Variants in MRPL22 observed in about 807,000 individuals in gnomAD.
The protein encoded by MRPL22 is large ribosomal subunit protein uL22m.
In MRPL22, 27 loss-of-function variants were observed where a neutral mutation model predicts 32.4. The ratio of observed to expected loss-of-function variants is 0.83; its 90% CI spans 0.61 to 1.15. MRPL22 has a LOEUF of 1.15. Among genes scored for constraint, MRPL22 ranks in the 50% most tolerant of loss-of-function variants. The pLI, the probability that MRPL22 is intolerant of heterozygous loss-of-function variation, is 0.00. For missense variants in MRPL22, 239 were observed against 260.2 expected (o/e 0.92, Z 0.56); for synonymous variants, 86 against 87.3 (o/e 0.99, Z 0.08).
chr5:154,945,277 C>T (rs1439721407), intron 2 of MRPL22, among the ~76,000 whole-genome samples: 1 of 152,072 alleles, frequency 6.6e-6, no homozygotes, highest in African/African-American at 2.4e-5. Flanking sequence ...CTTGTTGATG[C>T]ATTGGATGGG....
intron 2 of MRPL22, among the ~76,000 whole-genome samples, chr5:154,945,724 C>A (rs1185927672): frequency 6.6e-6 from 1 of 152,130 alleles, no homozygotes; most frequent in Non-Finnish European, 1.5e-5. Context: ...TCCTGGAACC[C>A]AATTAAAGAA....
rs765000906 is a variant in MRPL22, at chr5:154,950,943, G to A, written c.195+5G>A. On this transcript the variant is annotated splice_donor_5th_base_variant and intron_variant, in intron 3 of 6. Transcript: ENST00000523037. ...GGAGAACCTCGGAGACCAGCAGTAA[G>A]TTCGTGGGTAGAACTAATCTCTTAA... 154 of 1,555,622 alleles carry A rather than the reference G, an allele frequency of 9.9e-5. No individual in the cohort carries two copies. The highest frequency in any genetic ancestry group is 1.2e-4 in the Non-Finnish European group (140 of 1,128,040).
At position 154,960,779 on chromosome 5, in the gene MRPL22, T is replaced by C. The variant is rs969738666; in HGVS notation, c.409+730T>C. Among the ~76,000 whole-genome samples, 4 of 152,286 alleles carry C rather than the reference T, an allele frequency of 2.6e-5. No homozygotes were observed. In the South Asian group the frequency reaches 8.3e-4, roughly 32 times the overall value. Reference sequence around the variant, plus strand: ...GCTCTCTTGCCTCCTCCCAACACCATGGGAAAGTGGAGCAGTGGTTGGAGT... The same window carrying C: ...GCTCTCTTGCCTCCTCCCAACACCACGGGAAAGTGGAGCAGTGGTTGGAGT... On this transcript the variant is annotated intron_variant, in intron 6 of 6. Transcript: ENST00000523037.
chr5:154,960,008 T>C lies in MRPL22; in HGVS notation c.368T>C (p.Val123Ala), dbSNP rs574071291. Residue 123 changes from valine (V) to alanine (A), a missense_variant, in exon 6 of 7, where the codon GTG (valine) becomes GCG (alanine). Transcript: ENST00000523037. ...CTCTTAGAAGCACAAGATATGGCAG[T>C]GAGAGACCATAACGTGGAATTCAGG... is the stretch of plus-strand genomic sequence containing the variant. ...EVLLEAQDMA[V>A]RDHNVEFRSN... is the part of the protein sequence containing the mutation. 5.0e-6 allele frequency: 8 copies of C among 1,612,558 alleles called. No homozygotes were observed. The African/African-American group carries it at 9.3e-5, about 19-fold the overall frequency.
intron 3 of MRPL22, among the ~76,000 whole-genome samples, chr5:154,951,171 G>GT (rs1439825834): frequency 6.6e-6 from 1 of 152,164 alleles, no homozygotes; most frequent in Non-Finnish European, 1.5e-5. Flanking sequence ...TAAGCTAATA[G>GT]TTTAAGACAT....
At chr5:154,944,733 A>T (rs960384090) in intron 2 of MRPL22, among the ~76,000 whole-genome samples, 1 of 152,188 alleles carries the variant, frequency 6.6e-6, no homozygotes, top group Non-Finnish European at 1.5e-5. Context: ...AATAAGAAGT[A>T]TGTGTGTTTG....
rs1262875557 is a variant in MRPL22, at chr5:154,966,970, A to G, written c.*73A>G. On this transcript the variant is annotated 3_prime_UTR_variant, in exon 7 of 7. Transcript: ENST00000523037. Reference sequence around the variant, plus strand: ...TAAAAATAAACAAAAATTGAAGGCAAATGCTTTTTATGATTTCTCATTGAA... The same window carrying G: ...TAAAAATAAACAAAAATTGAAGGCAGATGCTTTTTATGATTTCTCATTGAA... 7.1e-7 allele frequency: 1 copy of G among 1,403,592 alleles called. No individual in the cohort carries two copies. The highest frequency in any genetic ancestry group is 1.4e-5 in the African/African-American group (1 of 69,122). The allele number at this position is 1,403,592 out of a possible 1,614,324, so 86.9% of individuals were successfully genotyped here.
At position 154,966,910 on chromosome 5, in the gene MRPL22, G is replaced by T. The variant is rs765873003; in HGVS notation, c.*13G>T. 9 of 1,602,472 alleles carry T rather than the reference G, an allele frequency of 5.6e-6. No individual in the cohort carries two copies. The highest frequency in any genetic ancestry group is 7.7e-6 in the Non-Finnish European group (9 of 1,173,520). ...TCACACTCTATGATGAGGAGATTCA[G>T]ACTCCACAGTGTATATATTTTGCCA... On this transcript the variant is annotated 3_prime_UTR_variant, in exon 7 of 7. Transcript: ENST00000523037.
chr5:154,952,432 A>G (rs1423373151), intron 3 of MRPL22, among the ~76,000 whole-genome samples: 1 of 152,180 alleles, frequency 6.6e-6, no homozygotes, highest in Non-Finnish European at 1.5e-5. Flanking sequence ...ATTTTGATTA[A>G]CTTTTTTGTA....
chr5:154,946,105 A>G (rs1764486668), intron 2 of MRPL22, among the ~76,000 whole-genome samples: 1 of 151,980 alleles, frequency 6.6e-6, no homozygotes, highest in African/African-American at 2.4e-5. Flanking sequence ...TAATTCACCA[A>G]ATATGTATTG....
At chr5:154,948,567 C>A (rs142465101) in intron 2 of MRPL22, among the ~76,000 whole-genome samples, 3 of 152,266 alleles carry the variant, frequency 2.0e-5, no homozygotes, top group African/African-American at 7.2e-5. Context: ...GGGGCTTGAG[C>A]CCCCAGTTTC....
intron 6 of MRPL22, among the ~76,000 whole-genome samples, chr5:154,960,716 A>G (rs1764690283): frequency 6.6e-6 from 1 of 152,204 alleles, no homozygotes; most frequent in Non-Finnish European, 1.5e-5. Flanking sequence ...ACCGTCACAC[A>G]GTTATTTTCT....
chr5:154,950,966 T>C, intron 3 of MRPL22, 28 bp downstream of exon 3: 1 of 1,393,714 alleles, frequency 7.2e-7, no homozygotes, highest in South Asian at 1.2e-5. Context: ...ACTAATCTCT[T>C]AATTGTGGTA....
intron 6 of MRPL22, 72 bp downstream of exon 6, chr5:154,960,121 G>A (rs1764683433): frequency 2.7e-6 from 3 of 1,095,550 alleles, no homozygotes; most frequent in Non-Finnish European, 4.1e-6. Context: ...TCTAACAACA[G>A]TCTTTAATAT....
At chr5:154,952,184 A>G (rs546847861) in intron 3 of MRPL22, among the ~76,000 whole-genome samples, 1 of 152,260 alleles carries the variant, frequency 6.6e-6, no homozygotes, top group East Asian at 1.9e-4. Flanking sequence ...CCCGGCCTGA[A>G]ATCAGGTATT....
At position 154,969,303 on chromosome 5, in the gene MRPL22, G is replaced by C. The variant is rs1365489290; in HGVS notation, c.*2406G>C. Reference sequence around the variant, plus strand: ...CTCTTCACTCGCTGTCTTGCCTGCTGCCATGTAAAATGTGCCTACTTCACC... The same window carrying C: ...CTCTTCACTCGCTGTCTTGCCTGCTCCCATGTAAAATGTGCCTACTTCACC... On this transcript the variant is annotated 3_prime_UTR_variant, in exon 7 of 7. Coordinates refer to ENST00000523037, the MANE Select transcript of MRPL22 (RefSeq NM_014180.4). The C allele has an allele frequency of 2.0e-5, 3 of 152,192 alleles. No homozygotes were observed. The highest frequency in any genetic ancestry group is 1.3e-4 in the Admixed American group (2 of 15,270). The allele number at this position is 152,192 out of a possible 1,614,324, so 9.4% of individuals were successfully genotyped here.
At chr5:154,960,974 A>G (rs1467712249) in intron 6 of MRPL22, among the ~76,000 whole-genome samples, 1 of 152,242 alleles carries the variant, frequency 6.6e-6, no homozygotes, top group East Asian at 1.9e-4. Flanking sequence ...TACTCTCCAG[A>G]TGGAGGAGAA....
In MRPL22 at chr5:154,969,382, C is replaced by T. The variant is rs1200739860; in HGVS notation, c.*2485C>T. 1 of 152,172 alleles carries T rather than the reference C, an allele frequency of 6.6e-6. No individual in the cohort carries two copies. The highest frequency in any genetic ancestry group is 1.5e-5 in the Non-Finnish European group (1 of 68,064). The allele number at this position is 152,172 out of a possible 1,614,324, so 9.4% of individuals were successfully genotyped here. ...CCTCCCCAGCCATGCAGAACTTTGA[C>T]ACAATTAAATGTCTTTTCTTTATAA... On this transcript the variant is annotated 3_prime_UTR_variant, in exon 7 of 7. Coordinates refer to ENST00000523037, the MANE Select transcript of MRPL22 (RefSeq NM_014180.4).
At chr5:154,959,847 T>C (rs1411645301) in intron 5 of MRPL22, 133 bp from the exon 6 acceptor site, 1 of 634,512 alleles carries the variant, frequency 1.6e-6, no homozygotes, top group East Asian at 2.8e-5. Flanking sequence ...TATCATTTGA[T>C]ATTGTCTTTT....
Sources: gnomAD v4.1 joint callset for allele counts (sites outside exome capture counted in the v4.1 genomes callset) on GRCh38, gnomAD v4.1.1 for gene constraint, MANE v1.5 for transcripts, NCBI Gene and HGNC (gene_info 2026-07-23, HGNC 2026-07-21) for gene names.